Variants in TTC31 observed in about 807,000 individuals in gnomAD.
The protein encoded by TTC31 is tetratricopeptide repeat domain 31.
TTC31 carries 59 observed loss-of-function variants against 60.4 expected under a neutral mutation model. The ratio of observed to expected loss-of-function variants is 0.98; its 90% confidence interval spans 0.79 to 1.21. The LOEUF (loss-of-function observed/expected upper bound fraction) is 1.21. TTC31 is among the 50% of genes most tolerant of loss of function. The pLI is 0.00. For missense variants in TTC31, 672 were observed against 646.9 expected, an observed-to-expected ratio of 1.04 and a Z score of -0.42; for synonymous variants, 225 against 249.6, an observed-to-expected ratio of 0.90 and a Z score of 0.93.
In TTC31 at chr2:74,483,154, C is replaced by G. The variant is rs1672624415; in HGVS notation, c.40+19C>G. Reference sequence around the variant, plus strand: ...AAGCTAGGTGAGCGGTATGACAAGACCAGTGGGGGTCTAGGAGGGCAGAGG... The same window carrying G: ...AAGCTAGGTGAGCGGTATGACAAGAGCAGTGGGGGTCTAGGAGGGCAGAGG... On this transcript the variant is annotated intron_variant, in intron 1 of 12. Coordinates refer to ENST00000233623, the MANE Select transcript of TTC31 (RefSeq NM_022492.6). 6.2e-7 allele frequency: 1 copy of G among 1,614,078 alleles called. No homozygotes were observed. Among genetic ancestry groups the G allele is most frequent in the Non-Finnish European group, 8.5e-7 (1 of 1,180,044 alleles).
Position 74,492,925 on chromosome 2 carries a change from G to A in TTC31, c.1267G>A (p.Gly423Ser). The A allele has an allele frequency of 6.2e-7, 1 of 1,602,816 alleles. No individual in the cohort carries two copies. The change falls in exon 13 of 13, where the codon GGT (glycine) becomes AGT (serine). Residue 423 changes from glycine to serine, a missense_variant. Transcript: ENST00000233623. ...RSCLLHLTLQ[G>S]QRGGICAPPL... Reference sequence around the variant, plus strand: ...GCCCTTCTCTCTCCCTTCTCAGCAGGGTCAGCGAGGAGGAATCTGTGCACC... The same window carrying A: ...GCCCTTCTCTCTCCCTTCTCAGCAGAGTCAGCGAGGAGGAATCTGTGCACC...
At chr2:74,486,110 C>CA (rs1437745792) in intron 2 of TTC31, among the ~76,000 whole-genome samples, 1 of 151,890 alleles carries the variant, frequency 6.6e-6, no homozygotes, top group Non-Finnish European at 1.5e-5. Flanking sequence ...TACTAAAATA[C>CA]AAAAAATTAG....
intron 2 of TTC31, among the ~76,000 whole-genome samples, chr2:74,489,790 C>G (rs1355627819): frequency 6.6e-6 from 1 of 152,108 alleles, no homozygotes; most frequent in Admixed American, 6.5e-5. Flanking sequence ...AGGTTGAATA[C>G]CATACTCAAC....
chr2:74,489,678 A>G (rs1432792661), intron 2 of TTC31, among the ~76,000 whole-genome samples: 3 of 152,136 alleles, frequency 2.0e-5, no homozygotes, highest in Non-Finnish European at 1.5e-5. Flanking sequence ...CAGATATGAC[A>G]GGGGGCCTAG....
In TTC31 at chr2:74,483,402, G is replaced by T; in HGVS notation, c.121G>T (p.Gly41Cys). Residue 41 changes from glycine to cysteine, a missense_variant, in exon 2 of 13, where the codon GGC becomes TGC. Transcript: ENST00000233623. ...LCKEFGPEDYGEEDIVDFLRR... is the reference protein window; with the variant it reads ...LCKEFGPEDYCEEDIVDFLRR... ...CAAGGAATTCGGTCCAGAGGATTACGGCGAAGAGGTAAAAGCGACCCTCAG... is the reference window on the plus strand; with the variant it reads ...CAAGGAATTCGGTCCAGAGGATTACTGCGAAGAGGTAAAAGCGACCCTCAG... 1 of 1,614,200 alleles carries T rather than the reference G, an allele frequency of 6.2e-7. No individual in the cohort carries two copies.
intron 12 of TTC31, 22 bp from the exon 13 acceptor site, chr2:74,492,900 G>A: frequency 6.3e-7 from 1 of 1,588,776 alleles, no homozygotes; most frequent in South Asian, 1.1e-5. Flanking sequence ...AGGATCTGGT[G>A]CCCTTCTCTC....
intron 2 of TTC31, among the ~76,000 whole-genome samples, chr2:74,486,496 CAAAT>C (rs548549524): frequency 9.9e-5 from 15 of 152,048 alleles, no homozygotes; most frequent in Non-Finnish European, 2.2e-4. Flanking sequence ...AACCAGTGAC[CAAAT>C]AAATAAACAA....
intron 2 of TTC31, among the ~76,000 whole-genome samples, chr2:74,484,690 C>G (rs1672881466): frequency 6.6e-6 from 1 of 152,072 alleles, no homozygotes; most frequent in Non-Finnish European, 1.5e-5. Context: ...ATCTCTTGAC[C>G]TCGTGATCCG....
Position 74,493,113 on chromosome 2 carries a change from C to G in TTC31, c.1455C>G (p.Leu485=), listed in dbSNP as rs772658011. The G allele has an allele frequency of 6.2e-7, 1 of 1,614,056 alleles. No individual in the cohort carries two copies. The highest frequency in any genetic ancestry group is 8.5e-7 in the Non-Finnish European group (1 of 1,180,026). ...ACCGAAGCCACCCCAACCAGCCCCT[C>G]TCCCAGACTCAGAGTAGAAGGCCCC... The part of the protein sequence containing the change: ...SCHRSHPNQP[L]SQTQSRRPHP... Residue 485 remains leucine, a synonymous_variant, in exon 13 of 13, where the codon CTC becomes CTG. Transcript: ENST00000233623.
chr2:74,489,778 C>T (rs937884889), intron 2 of TTC31, among the ~76,000 whole-genome samples: 2 of 152,038 alleles, frequency 1.3e-5, no homozygotes, highest in Non-Finnish European at 2.9e-5. Context: ...GTAGAGGAGG[C>T]CAGGTTGAAT....
chr2:74,487,131 C>A (rs1572950665), intron 2 of TTC31, among the ~76,000 whole-genome samples: 1 of 152,260 alleles, frequency 6.6e-6, no homozygotes, highest in South Asian at 2.1e-4. Flanking sequence ...TATTGGGGGA[C>A]CAGATCATAT....
rs1289296860 is a variant in TTC31, at chr2:74,493,251, G to GTA, written c.*39_*40dup. On this transcript the variant is annotated 3_prime_UTR_variant, in exon 13 of 13. Coordinates refer to ENST00000233623, the MANE Select transcript of TTC31 (RefSeq NM_022492.6). Reference sequence around the variant, plus strand: ...CCGGTCCCTCATAGGGCAGGGCCATGTATATATCCCTTGGTGGGGGACATA... The same window carrying GTA: ...CCGGTCCCTCATAGGGCAGGGCCATGTATATATATCCCTTGGTGGGGGACATA... 44 of 1,603,242 alleles carry GTA rather than the reference G, an allele frequency of 2.7e-5. 1 individual carries two copies. In the Middle Eastern group the frequency reaches 1.2e-3, roughly 42 times the overall value.
Position 74,491,665 on chromosome 2 carries a change from A to C in TTC31, c.869A>C (p.Lys290Thr), listed in dbSNP as rs972121608. 7 of 1,613,938 alleles carry C rather than the reference A, an allele frequency of 4.3e-6. No homozygotes were observed. Among genetic ancestry groups the C allele is most frequent in the Non-Finnish European group, 5.9e-6 (7 of 1,179,952 alleles). ...GAGGAGAGGCCCCAGCAGAGTCCAA[A>C]GGTACAGGTGAGGTGGCTGAAGAAC... ...PREERPQQSP[K>T]VQASPGLLAA... Residue 290 changes from lysine to threonine, a missense_variant, in exon 8 of 13, where the codon AAG (lysine) becomes ACG (threonine). Transcript: ENST00000233623.
intron 1 of TTC31, 37 bp from the exon 2 acceptor site, chr2:74,483,284 CG>C: frequency 6.2e-7 from 1 of 1,613,382 alleles, no homozygotes; most frequent in Non-Finnish European, 8.5e-7. Context: ...CCATCTGTCC[CG>C]AGCCCGCTGA....
At position 74,492,968 on chromosome 2, in the gene TTC31, C is replaced by T. The variant is rs1674112345; in HGVS notation, c.1310C>T (p.Ala437Val). The change falls in exon 13 of 13, where the codon GCC becomes GTC. Residue 437 changes from alanine (A) to valine (V), a missense_variant. Transcript: ENST00000233623. ...TGTGCACCACCTCTGTCACCTGGGG[C>T]CCTCCAGCCACTTCCCCATGCTGAG... ...GICAPPLSPG[A>V]LQPLPHAELA... 1.2e-6 allele frequency: 2 copies of T among 1,613,300 alleles called. No individual in the cohort carries two copies. The highest frequency in any genetic ancestry group is 1.7e-6 in the Non-Finnish European group (2 of 1,179,474).
Position 74,492,060 on chromosome 2 carries a change from G to C in TTC31, c.928+5G>C, listed in dbSNP as rs928644984. The C allele has an allele frequency of 6.2e-7, 1 of 1,614,122 alleles. No homozygotes were observed. Among genetic ancestry groups the C allele is most frequent in the African/African-American group, 1.3e-5 (1 of 74,942 alleles). Reference sequence around the variant, plus strand: ...AACAGAGCCAGGAACTGGCAAGTGAGATCCTTTCTCTCTCCGTCCTCACCC... The same window carrying C: ...AACAGAGCCAGGAACTGGCAAGTGACATCCTTTCTCTCTCCGTCCTCACCC... On this transcript the variant is annotated splice_donor_5th_base_variant and intron_variant, in intron 9 of 12. Coordinates refer to ENST00000233623, the MANE Select transcript of TTC31 (RefSeq NM_022492.6).
chr2:74,492,294 T>G lies in TTC31; in HGVS notation c.1020-10T>G, dbSNP rs768029233. 2.0e-5 allele frequency: 32 copies of G among 1,602,930 alleles called. No individual in the cohort carries two copies. In the Admixed American group the frequency reaches 5.3e-4, roughly 26 times the overall value. On this transcript the variant is annotated splice_polypyrimidine_tract_variant and intron_variant, in intron 10 of 12. Coordinates refer to ENST00000233623, the MANE Select transcript of TTC31 (RefSeq NM_022492.6). ...GACTCAGACCTTTGGCCACCTTCTG[T>G]CTTTATCAGGTTATTTGGAAATCGT...
intron 4 of TTC31, 53 bp downstream of exon 4, chr2:74,490,526 G>A: frequency 6.5e-7 from 1 of 1,542,930 alleles, no homozygotes; most frequent in Admixed American, 2.0e-5. Flanking sequence ...TTCAATCCCT[G>A]TATCCCCATC....
At chr2:74,487,094 A>T (rs1441170845) in intron 2 of TTC31, among the ~76,000 whole-genome samples, 1 of 152,238 alleles carries the variant, frequency 6.6e-6, no homozygotes, top group Non-Finnish European at 1.5e-5. Context: ...GGAGGAGGGT[A>T]ACAAGATAGG....
Sources: allele counts gnomAD v4.1 joint callset (sites outside exome capture counted in the v4.1 genomes callset), GRCh38; gene constraint gnomAD v4.1.1; transcripts MANE v1.5; gene names NCBI Gene and HGNC (gene_info 2026-07-23, HGNC 2026-07-21).